The following YPEL2 variants were observed in gnomAD, a reference collection of about 807,000 sequenced individuals.
YPEL2 encodes the protein protein yippee-like 2.
YPEL2 carries 2 observed loss-of-function variants against 19.1 expected under a neutral mutation model. The observed-to-expected ratio is 0.10, with a 90% CI of 0.04 to 0.33. The LOEUF is 0.33. Among genes scored for constraint, YPEL2 ranks in the 10% least tolerant of loss-of-function variants. YPEL2 has a pLI of 1.00. For synonymous variants in YPEL2, 52 were observed against 50.0 expected (o/e 1.04, Z -0.17); for missense variants, 66 against 140.7 (o/e 0.47, Z 2.68).
chr17:59,341,696 T>G (rs987413238), intron 1 of YPEL2, among the ~76,000 whole-genome samples: 2 of 152,060 alleles, frequency 1.3e-5, no homozygotes, highest in African/African-American at 2.4e-5. Context: ...GTAAACAGGC[T>G]GCGTGCATTT....
intron 2 of YPEL2, among the ~76,000 whole-genome samples, chr17:59,380,017 C>T (rs1224930104): frequency 5.9e-5 from 9 of 151,812 alleles, no homozygotes; most frequent in Non-Finnish European, 8.8e-5. Flanking sequence ...TGCATCACCA[C>T]GCCCAGCTAA....
chr17:59,348,819 C>T (rs1381032481), intron 1 of YPEL2, among the ~76,000 whole-genome samples: 1 of 152,112 alleles, frequency 6.6e-6, no homozygotes, highest in African/African-American at 2.4e-5. Flanking sequence ...CCTGTTGCCC[C>T]ATTAACAGGG....
chr17:59,391,315 G>C (rs1037367597), intron 4 of YPEL2, among the ~76,000 whole-genome samples: 3 of 152,170 alleles, frequency 2.0e-5, no homozygotes, highest in Admixed American at 6.5e-5. Flanking sequence ...GATTTTGATA[G>C]TGGGGGAGTC....
intron 2 of YPEL2, among the ~76,000 whole-genome samples, chr17:59,356,459 A>T (rs1294357327): frequency 6.6e-6 from 1 of 152,180 alleles, no homozygotes; most frequent in Non-Finnish European, 1.5e-5. Context: ...GAAAGTTTTT[A>T]AAAACAAATG....
At position 59,401,339 on chromosome 17, in the gene YPEL2, G is replaced by T. The variant is rs146497206; in HGVS notation, c.*4149G>T. Reference sequence around the variant, plus strand: ...AAAAATTAAAATAGTTATGAAATCTGGCAGAAAAGGTAAAGCCTAGAAGAA... The same window carrying T: ...AAAAATTAAAATAGTTATGAAATCTTGCAGAAAAGGTAAAGCCTAGAAGAA... On this transcript the variant is annotated 3_prime_UTR_variant, in exon 5 of 5. Coordinates refer to ENST00000312655, the MANE Select transcript of YPEL2 (RefSeq NM_001005404.4). 103 of 152,672 alleles carry T rather than the reference G, an allele frequency of 6.7e-4. No homozygotes were observed. The highest frequency in any genetic ancestry group is 2.3e-3 in the African/African-American group (97 of 41,534). The allele number at this position is 152,672 out of a possible 1,614,324, so 9.5% of individuals were successfully genotyped here. A position where few individuals can be genotyped will look rare whatever the true frequency, so the allele number is the denominator to read the frequency against.
intron 2 of YPEL2, 65 bp from the exon 3 acceptor site, chr17:59,388,262 G>T: frequency 6.6e-7 from 1 of 1,524,056 alleles, no homozygotes. Flanking sequence ...TGTGATTGGG[G>T]TTGGTTTCCC....
chr17:59,365,759 G>A (rs2047865599), intron 2 of YPEL2, among the ~76,000 whole-genome samples: 1 of 152,200 alleles, frequency 6.6e-6, no homozygotes, highest in Admixed American at 6.5e-5. Context: ...AGCTTTAGCT[G>A]TTTCCCTCCT....
At chr17:59,333,350 C>T (rs2047681688) in intron 1 of YPEL2, among the ~76,000 whole-genome samples, 1 of 152,210 alleles carries the variant, frequency 6.6e-6, no homozygotes, top group African/African-American at 2.4e-5. Context: ...GGCTTTGCCG[C>T]CGCAGGTTAG....
intron 2 of YPEL2, among the ~76,000 whole-genome samples, chr17:59,369,148 G>A (rs891411276): frequency 1.3e-5 from 2 of 152,164 alleles, no homozygotes; most frequent in African/African-American, 4.8e-5. Flanking sequence ...GCGGGCAATT[G>A]CAACTCCCTG....
chr17:59,367,398 G>A (rs1161467104), intron 2 of YPEL2, among the ~76,000 whole-genome samples: 1 of 152,148 alleles, frequency 6.6e-6, no homozygotes, highest in East Asian at 1.9e-4. Context: ...TAGATCCAAA[G>A]GTCTGCAAAA....
Position 59,353,589 on chromosome 17 carries a change from T to A in YPEL2, c.117+63T>A, listed in dbSNP as rs2047797999. 8.1e-7 allele frequency: 1 copy of A among 1,234,784 alleles called. No individual in the cohort carries two copies. The highest frequency in any genetic ancestry group is 1.5e-5 in the African/African-American group (1 of 67,738). 76.5% of individuals were successfully genotyped at this position (1,234,784 alleles called of 1,614,324 possible). A position where few individuals can be genotyped will look rare whatever the true frequency, so the allele number is the denominator to read the frequency against. ...GGAGGGCGCTTAGTGCTCCTGAAGTTGCAGAGGTTTACAAGCTCTCAAGAA... is the reference window on the plus strand; with the variant it reads ...GGAGGGCGCTTAGTGCTCCTGAAGTAGCAGAGGTTTACAAGCTCTCAAGAA... On this transcript the variant is annotated intron_variant, in intron 2 of 4. Coordinates refer to ENST00000312655, the MANE Select transcript of YPEL2 (RefSeq NM_001005404.4). This position sits in a 1 kb window ranked among gnomAD's most constrained non-coding sequence, Gnocchi z 4.8.
chr17:59,334,396 G>T (rs972153334), intron 1 of YPEL2, among the ~76,000 whole-genome samples: 7 of 150,012 alleles, frequency 4.7e-5, no homozygotes, highest in Non-Finnish European at 8.9e-5. Context: ...TATTTGGGGG[G>T]GGGTGAGGAG....
chr17:59,359,643 CAGTGGAT>C (rs2047830215), intron 2 of YPEL2, among the ~76,000 whole-genome samples: 1 of 152,090 alleles, frequency 6.6e-6, no homozygotes, highest in Non-Finnish European at 1.5e-5. Flanking sequence ...TTTTGATATT[CAGTGGAT>C]ATATGACATA....
intron 2 of YPEL2, among the ~76,000 whole-genome samples, chr17:59,362,082 A>G (rs935218366): frequency 1.3e-5 from 2 of 152,194 alleles, no homozygotes; most frequent in African/African-American, 4.8e-5. Flanking sequence ...TAAGCAAGTA[A>G]TGACATGACC....
At chr17:59,391,771 A>T (rs1012146590) in intron 4 of YPEL2, among the ~76,000 whole-genome samples, 31 of 152,132 alleles carry the variant, frequency 2.0e-4, no homozygotes, top group African/African-American at 6.5e-4. Context: ...ATGGTGGCAG[A>T]TGCCTGTAAT....
chr17:59,368,989 A>T (rs971719805), intron 2 of YPEL2, among the ~76,000 whole-genome samples: 1 of 151,796 alleles, frequency 6.6e-6, no homozygotes, highest in African/African-American at 2.4e-5. Flanking sequence ...AATAGCAAGC[A>T]GGTAGATCAC....
chr17:59,331,826 T>C lies in YPEL2; in HGVS notation c.-196+2T>C, dbSNP rs1018500708. ...CCGGACAGGGCCGCCTGTCGCCGGG[T>C]AAGTGCACCGGAGTGCGGCGCGGGC... On this transcript the variant is annotated splice_donor_variant, in intron 1 of 4. Coordinates refer to ENST00000312655, the MANE Select transcript of YPEL2 (RefSeq NM_001005404.4). LOFTEE classifies it low-confidence loss of function (5UTR_SPLICE). 6.6e-6 allele frequency: 1 copy of C among 151,352 alleles called. No individual in the cohort carries two copies. The highest frequency in any genetic ancestry group is 1.5e-5 in the Non-Finnish European group (1 of 67,796). The allele number at this position is 151,352 out of a possible 1,614,324, so 9.4% of individuals were successfully genotyped here.
intron 2 of YPEL2, among the ~76,000 whole-genome samples, chr17:59,363,517 A>T (rs1242798639): frequency 6.6e-6 from 1 of 152,050 alleles, no homozygotes; most frequent in East Asian, 1.9e-4. Flanking sequence ...CATGTTGGCC[A>T]GGCTGCTCTC....
At chr17:59,336,186 A>G (rs1016241162) in intron 1 of YPEL2, among the ~76,000 whole-genome samples, 2 of 152,204 alleles carry the variant, frequency 1.3e-5, no homozygotes, top group African/African-American at 2.4e-5. Context: ...AGAGGAAAAG[A>G]TAATTCTCTT....
Sources: allele counts gnomAD v4.1 joint callset (sites outside exome capture counted in the v4.1 genomes callset), GRCh38; gene constraint gnomAD v4.1.1; non-coding constraint Gnocchi (gnomAD v3.1); transcripts MANE v1.5; gene names NCBI Gene and HGNC (gene_info 2026-07-23, HGNC 2026-07-21).